The following CSMD1 variants were observed in gnomAD, a reference collection of about 807,000 sequenced individuals.
CSMD1 encodes the protein CUB and sushi domain-containing protein 1.
In CSMD1, 213 loss-of-function variants were observed where a neutral mutation model predicts 417.5. The ratio of observed to expected loss-of-function variants is 0.51; its 90% CI spans 0.46 to 0.57. CSMD1 has a LOEUF of 0.57. Among genes scored for constraint, CSMD1 ranks in the 20% least tolerant of loss-of-function variants. The pLI, the probability that CSMD1 is intolerant of heterozygous loss-of-function variation, is 0.00. For missense variants in CSMD1, 6,923 were observed against 4,529.7 expected (o/e 1.53, Z -15.17); for synonymous variants, 2,862 against 1,736.8 (o/e 1.65, Z -16.11).
At chr8:3,641,666 C>T (rs1236565950) in intron 7 of CSMD1, among the ~76,000 whole-genome samples, 1 of 152,192 alleles carries the variant, frequency 6.6e-6, no homozygotes, top group African/African-American at 2.4e-5. Context: ...ATTTCAAATA[C>T]AGCTTTTGCC....
intron 1 of CSMD1, among the ~76,000 whole-genome samples, chr8:4,726,856 G>A (rs1396336737): frequency 6.6e-6 from 1 of 152,130 alleles, no homozygotes; most frequent in African/African-American, 2.4e-5. Context: ...CTGAAAAGCT[G>A]AAATAGTATT....
intron 12 of CSMD1, among the ~76,000 whole-genome samples, chr8:3,413,336 AG>A: frequency 6.6e-6 from 1 of 152,122 alleles, no homozygotes; most frequent in Non-Finnish European, 1.5e-5. Context: ...AATGAGGGTG[AG>A]GGTCTTTCTG....
chr8:4,090,077 C>G lies in CSMD1; in HGVS notation c.416-57978G>C, dbSNP rs73190350. 9.6e-3 allele frequency among the ~76,000 whole-genome samples: 1,463 copies of G among 152,316 alleles called. 15 individuals are homozygous for G. The highest frequency in any genetic ancestry group is 0.051 in the South Asian group (244 of 4,826). ...CATGTAAATTTTCGAATGAGCAAAA[C>G]TTAACTTACACTTAAATACACCTTT... is the stretch of plus-strand genomic sequence containing the variant. On this transcript the variant is annotated intron_variant, in intron 3 of 69. Coordinates refer to ENST00000635120, the MANE Select transcript of CSMD1 (RefSeq NM_033225.6).
At chr8:3,473,839 C>A (rs1044897720) in intron 11 of CSMD1, among the ~76,000 whole-genome samples, 1 of 152,106 alleles carries the variant, frequency 6.6e-6, no homozygotes, top group Non-Finnish European at 1.5e-5. Flanking sequence ...ATTTAACTGA[C>A]TCGTATTTCC....
chr8:3,889,452 CATATATAT>C (rs1171842639), intron 5 of CSMD1, among the ~76,000 whole-genome samples: 1,594 of 45,366 alleles, frequency 0.035, 45 homozygotes, highest in Middle Eastern at 0.11. Flanking sequence ...CTGATCTTTC[CATATATAT>C]ATATATATAT....
chr8:4,047,033 G>A (rs940189301), intron 3 of CSMD1, among the ~76,000 whole-genome samples: 4 of 152,094 alleles, frequency 2.6e-5, no homozygotes, highest in East Asian at 1.9e-4. Flanking sequence ...TGACATAGAG[G>A]GAACACCTGG....
chr8:4,662,583 C>G (rs1360588268), intron 1 of CSMD1, among the ~76,000 whole-genome samples: 1 of 152,188 alleles, frequency 6.6e-6, no homozygotes, highest in African/African-American at 2.4e-5. Context: ...CATTCATGTG[C>G]CCAACAATGC....
At chr8:4,793,006 A>C (rs201476887) in intron 1 of CSMD1, among the ~76,000 whole-genome samples, 29 of 138,094 alleles carry the variant, frequency 2.1e-4, no homozygotes, top group African/African-American at 2.1e-4. Flanking sequence ...ATATATATAT[A>C]TCTCCACACA....
intron 3 of CSMD1, among the ~76,000 whole-genome samples, chr8:4,051,348 G>A (rs1157294271): frequency 6.6e-6 from 1 of 150,844 alleles, no homozygotes. Context: ...AGCCAGACTC[G>A]GCAGCTTCTT....
At chr8:3,871,399 T>C (rs1446594740) in intron 5 of CSMD1, among the ~76,000 whole-genome samples, 3 of 152,144 alleles carry the variant, frequency 2.0e-5, no homozygotes, top group African/African-American at 7.2e-5. Context: ...CATTGGTTTC[T>C]TCAACTTGCA....
chr8:4,007,910 A>AG (rs542921874), intron 4 of CSMD1, among the ~76,000 whole-genome samples: 103 of 152,296 alleles, frequency 6.8e-4, no homozygotes, highest in African/African-American at 2.3e-3. Flanking sequence ...GTTAAAAAAA[A>AG]GTAGTCTATA....
chr8:3,664,254 A>G (rs929923539), intron 7 of CSMD1, among the ~76,000 whole-genome samples: 24 of 152,082 alleles, frequency 1.6e-4, no homozygotes, highest in African/African-American at 5.6e-4. Context: ...TCATTGTTCA[A>G]TTCCCACCTA....
chr8:3,528,810 T>C (rs1429161440), intron 10 of CSMD1, among the ~76,000 whole-genome samples: 2 of 152,198 alleles, frequency 1.3e-5, no homozygotes, highest in African/African-American at 4.8e-5. Flanking sequence ...GATAAAATTA[T>C]TACTGGAAAT....
intron 5 of CSMD1, among the ~76,000 whole-genome samples, chr8:3,777,470 G>A (rs540408761): frequency 1.2e-4 from 19 of 152,280 alleles, no homozygotes; most frequent in Admixed American, 8.5e-4. Context: ...TCATTCTGGT[G>A]TCCTGCTACT....
chr8:3,367,114 G>T lies in CSMD1; in HGVS notation c.3033C>A (p.Gly1011=). 1.9e-6 allele frequency: 3 copies of T among 1,613,788 alleles called. No individual in the cohort carries two copies. The highest frequency in any genetic ancestry group is 1.1e-5 in the South Asian group (1 of 91,016). ...GCTGGGCAGTGAAGTTTCCAAACAG[G>T]CCTGCCTTGATCGTATGAGGCAACA... ...GSVLPHTIKA[G]LFGNFTAQLR... is the part of the protein sequence containing the mutation. The change falls in exon 20 of 70, where the codon GGC becomes GGA. Residue 1011 remains glycine (G), a synonymous_variant. Transcript: ENST00000635120.
intron 1 of CSMD1, among the ~76,000 whole-genome samples, chr8:4,775,874 G>C (rs35262936): frequency 0.017 from 2,574 of 152,224 alleles, 33 homozygotes; most frequent in Non-Finnish European, 0.027. Flanking sequence ...ATGTACCATA[G>C]GACAGAAAAG....
chr8:3,858,099 TA>T (rs1199995775), intron 5 of CSMD1, among the ~76,000 whole-genome samples: 1 of 152,254 alleles, frequency 6.6e-6, no homozygotes, highest in African/African-American at 2.4e-5. Context: ...AATTGAATTT[TA>T]ATAACATAGT....
In CSMD1 at chr8:4,187,732, G is replaced by A. The variant is rs372634138; in HGVS notation, c.416-155633C>T. ...TTTATTCTAGTTAGTGTACATTAAG[G>A]CACCATAAATGAACACTCAGAGAAA... On this transcript the variant is annotated intron_variant, in intron 3 of 69. Transcript: ENST00000635120. 2.7e-5 allele frequency among the ~76,000 whole-genome samples: 4 copies of A among 147,446 alleles called. No individual in the cohort carries two copies. The South Asian group carries it at 6.5e-4, about 24-fold the overall frequency.
intron 10 of CSMD1, among the ~76,000 whole-genome samples, chr8:3,567,330 T>C (rs943511869): frequency 6.6e-6 from 1 of 152,028 alleles, no homozygotes; most frequent in Non-Finnish European, 1.5e-5. Context: ...CTGGGCTTAA[T>C]ACCTGGGTGA....
Sources: allele counts gnomAD v4.1 joint callset (sites outside exome capture counted in the v4.1 genomes callset), GRCh38; gene constraint gnomAD v4.1.1; transcripts MANE v1.5; gene names NCBI Gene and HGNC (gene_info 2026-07-23, HGNC 2026-07-21).